HMBOX1: variants seen among roughly 807,000 people sequenced by gnomAD.
The protein encoded by HMBOX1 is homeobox containing 1.
Under a neutral mutation model 54.5 loss-of-function variants are expected in HMBOX1, and 14 were observed. The ratio of observed to expected loss-of-function variants is 0.26; its 90% CI spans 0.17 to 0.40. The LOEUF is 0.40. HMBOX1 is among the 10% of genes least tolerant of loss of function. The probability of loss-of-function intolerance (pLI) is 1.00; values close to 1 mark genes in which losing one functional copy is unlikely to be tolerated. For missense variants in HMBOX1, 332 were observed against 514.4 expected (o/e 0.65, Z 3.43); for synonymous variants, 160 against 181.0 (o/e 0.88, Z 0.93).
intron 4 of HMBOX1, among the ~76,000 whole-genome samples, chr8:28,982,498 A>G (rs555859358): frequency 1.3e-5 from 2 of 152,082 alleles, no homozygotes; most frequent in East Asian, 3.9e-4. Flanking sequence ...CCGAGGCTGG[A>G]GTGCAGTGGC....
Position 29,047,433 on chromosome 8 carries a change from T to G in HMBOX1, c.1010T>G (p.Ile337Ser). 2 of 1,573,912 alleles carry G rather than the reference T, an allele frequency of 1.3e-6. No homozygotes were observed. The highest frequency in any genetic ancestry group is 1.7e-6 in the Non-Finnish European group (2 of 1,143,462). ...TGGTTTGCTAACAGAAGGAAGGAGATCAAGAGGAGAGCCAATATTGGTAAT... is the reference window on the plus strand; with the variant it reads ...TGGTTTGCTAACAGAAGGAAGGAGAGCAAGAGGAGAGCCAATATTGGTAAT... ...YNWFANRRKEIKRRANIEAAI... is the reference protein window; with the variant it reads ...YNWFANRRKESKRRANIEAAI... Residue 337 changes from isoleucine to serine, a missense_variant, in exon 8 of 10, where the codon ATC becomes AGC. This residue lies in a region of HMBOX1 where 69 missense variants were observed against 104.6 expected (regional missense o/e 0.66). Coordinates refer to ENST00000287701, the MANE Select transcript of HMBOX1 (RefSeq NM_001135726.3).
At chr8:28,948,270 C>T (rs2132094730) in intron 1 of HMBOX1, among the ~76,000 whole-genome samples, 1 of 152,270 alleles carries the variant, frequency 6.6e-6, no homozygotes, top group East Asian at 1.9e-4. Flanking sequence ...AATGTAACCT[C>T]CATGTGAGCA....
chr8:28,934,875 C>T (rs1324610367), intron 1 of HMBOX1, among the ~76,000 whole-genome samples: 2 of 149,184 alleles, frequency 1.3e-5, no homozygotes, highest in South Asian at 2.1e-4. Context: ...TGCAGTGAGC[C>T]GAGATCGCGC....
At position 28,896,768 on chromosome 8, in the gene HMBOX1, C is replaced by G. The variant is rs189428953; in HGVS notation, c.-58+6090C>G. Among the ~76,000 whole-genome samples the G allele has an allele frequency of 1.8e-3, 280 of 152,304 alleles. 6 individuals are homozygous for G. Among genetic ancestry groups the G allele is most frequent in the Admixed American group, 1.6e-3 (25 of 15,298 alleles). On this transcript the variant is annotated intron_variant, in intron 1 of 9. Coordinates refer to ENST00000287701, the MANE Select transcript of HMBOX1 (RefSeq NM_001135726.3). Reference sequence around the variant, plus strand: ...TATACCACCTAGGCTTGTGTAAGTACACTCTATGGTGTTCGCTCAACAATG... The same window carrying G: ...TATACCACCTAGGCTTGTGTAAGTAGACTCTATGGTGTTCGCTCAACAATG...
At chr8:29,021,557 TGAAAATATGCTCA>T (rs1285705759) in intron 6 of HMBOX1, among the ~76,000 whole-genome samples, 3 of 151,934 alleles carry the variant, frequency 2.0e-5, no homozygotes, top group Non-Finnish European at 2.9e-5. Context: ...CTTGAACATA[TGAAAATATGCTCA>T]ATCGGCCAGG....
chr8:28,970,240 A>G lies in HMBOX1; in HGVS notation c.221A>G (p.Asn74Ser). 2 of 1,614,042 alleles carry G rather than the reference A, an allele frequency of 1.2e-6. No homozygotes were observed. The highest frequency in any genetic ancestry group is 1.7e-6 in the Non-Finnish European group (2 of 1,179,876). The change falls in exon 3 of 10, where the codon AAT becomes AGT. Residue 74 changes from asparagine (N) to serine (S), a missense_variant. This residue lies in a region of HMBOX1 where 146 missense variants were observed against 173.3 expected (regional missense o/e 0.84). Coordinates refer to ENST00000287701, the MANE Select transcript of HMBOX1 (RefSeq NM_001135726.3). This position sits in a 1 kb window ranked among gnomAD's most constrained non-coding sequence, Gnocchi z 4.3. ...RSSYGGSSYG[N>S]STNNVPASSS... ...AGCTATGGAGGAAGTTCATATGGGA[A>G]TAGTACTAACAATGTCCCAGCATCT...
chr8:28,900,269 A>ATATATATATATATATATATATATAT (rs1422463025), intron 1 of HMBOX1, among the ~76,000 whole-genome samples: 3 of 69,208 alleles, frequency 4.3e-5, no homozygotes, highest in Admixed American at 2.1e-4. Flanking sequence ...AAAAAAAAAA[A>ATATATATATATATATATATATATAT]AAATATATAT....
At chr8:29,000,053 G>A (rs1046235214) in intron 4 of HMBOX1, among the ~76,000 whole-genome samples, 6 of 152,146 alleles carry the variant, frequency 3.9e-5, no homozygotes, top group African/African-American at 1.4e-4. Context: ...TGTTGTTGGT[G>A]ATGTTTGTTT....
intron 7 of HMBOX1, among the ~76,000 whole-genome samples, chr8:29,046,028 A>C (rs879095050): frequency 1.3e-5 from 2 of 152,240 alleles, no homozygotes; most frequent in African/African-American, 4.8e-5. Flanking sequence ...CTTGTGCTAA[A>C]ATATTATTTC....
intron 1 of HMBOX1, chr8:28,955,978 A>G (rs1222957251): frequency 7.6e-6 from 1 of 130,796 alleles, no homozygotes; most frequent in Admixed American, 7.7e-5. Context: ...AAAAAATTGG[A>G]AAGTAGGACG....
chr8:28,918,671 TG>T lies in HMBOX1; in HGVS notation c.-58+27994del, dbSNP rs373216213. The stretch of plus-strand genomic sequence containing the variant: ...TATCAAAAAATCATAACTCGTGAAA[TG>T]TTTGTGCTGTATTTGAGTTTATAAA... On this transcript the variant is annotated intron_variant, in intron 1 of 9. Coordinates refer to ENST00000287701, the MANE Select transcript of HMBOX1 (RefSeq NM_001135726.3). Among the ~76,000 whole-genome samples the T allele has an allele frequency of 3.3e-3, 496 of 152,348 alleles. 3 individuals are homozygous for T. Among genetic ancestry groups the T allele is most frequent in the African/African-American group, 0.011 (470 of 41,590 alleles).
At chr8:28,938,849 C>T (rs903496708) in intron 1 of HMBOX1, among the ~76,000 whole-genome samples, 1 of 152,120 alleles carries the variant, frequency 6.6e-6, no homozygotes, top group African/African-American at 2.4e-5. Flanking sequence ...GATGGCACCA[C>T]CTTCATAAAT....
intron 1 of HMBOX1, among the ~76,000 whole-genome samples, chr8:28,936,841 G>T (rs1820487685): frequency 6.7e-6 from 1 of 148,432 alleles, no homozygotes; most frequent in Admixed American, 6.7e-5. Flanking sequence ...CTTTCAAAGA[G>T]TTGTGCTGAG....
At chr8:28,959,743 T>C (rs1303571181) in intron 1 of HMBOX1, among the ~76,000 whole-genome samples, 3 of 152,212 alleles carry the variant, frequency 2.0e-5, no homozygotes, top group Non-Finnish European at 4.4e-5. Context: ...GAATTATGTT[T>C]TTTAAATAGA....
chr8:28,918,529 A>G (rs893438458), intron 1 of HMBOX1, among the ~76,000 whole-genome samples: 1 of 152,290 alleles, frequency 6.6e-6, no homozygotes, highest in East Asian at 1.9e-4. Flanking sequence ...TAGTGTATGT[A>G]TTCAAGGAGC....
intron 5 of HMBOX1, among the ~76,000 whole-genome samples, chr8:29,013,229 G>A (rs1474262676): frequency 6.6e-6 from 1 of 152,098 alleles, no homozygotes; most frequent in Admixed American, 6.5e-5. Context: ...TCTGCCTTTC[G>A]GGTTCAAGCA....
At chr8:28,960,142 A>AT (rs1357137887) in intron 1 of HMBOX1, among the ~76,000 whole-genome samples, 1 of 149,466 alleles carries the variant, frequency 6.7e-6, no homozygotes, top group South Asian at 2.1e-4. Flanking sequence ...TCTTAGTTCC[A>AT]TTTTTCTAGC....
rs572637996 is a variant in HMBOX1 at position 28,933,589 on chromosome 8, TACCAATATC to T, written c.-57-30221_-57-30213del. On this transcript the variant is annotated intron_variant, in intron 1 of 9. Coordinates refer to ENST00000287701, the MANE Select transcript of HMBOX1 (RefSeq NM_001135726.3). ...CTACAAAAAAAGAAGAGGCACAAAT[TACCAATATC>T]TGGAATGAAAGAGGTGATATTACTG... Among the ~76,000 whole-genome samples the T allele has an allele frequency of 3.4e-3, 523 of 152,288 alleles. 1 individual carries two copies. The highest frequency in any genetic ancestry group is 6.8e-3 in the Middle Eastern group (2 of 294).
At chr8:28,900,436 G>C (rs1913164) in intron 1 of HMBOX1, among the ~76,000 whole-genome samples, 2 of 151,616 alleles carry the variant, frequency 1.3e-5, no homozygotes, top group African/African-American at 4.8e-5. Context: ...TGTCTACTTA[G>C]AACCTATTAT....
Sources: allele counts gnomAD v4.1 joint callset (sites outside exome capture counted in the v4.1 genomes callset), GRCh38; gene constraint gnomAD v4.1.1; regional missense constraint gnomAD v4.1.1; non-coding constraint Gnocchi (gnomAD v3.1); transcripts MANE v1.5; gene names NCBI Gene and HGNC (gene_info 2026-07-23, HGNC 2026-07-21).